TNRC18: variants seen among roughly 807,000 people sequenced by gnomAD.
TNRC18 encodes trinucleotide repeat containing 18.
A neutral mutation model predicts 226.7 loss-of-function variants in TNRC18; 69 were observed. The ratio of observed to expected loss-of-function variants is 0.30; its 90% CI spans 0.25 to 0.37. The LOEUF (loss-of-function observed/expected upper bound fraction) is 0.37, where lower values mean the gene tolerates loss of function less well. Among genes scored for constraint, TNRC18 ranks in the 10% least tolerant of loss-of-function variants. The pLI is 1.00. For missense variants in TNRC18, 4,754 were observed against 4,256.6 expected (o/e 1.12, Z -3.25); for synonymous variants, 2,449 against 1,927.6 (o/e 1.27, Z -7.09).
chr7:5,397,917 T>C (rs1388046765), intron 2 of TNRC18, among the ~76,000 whole-genome samples: 1 of 152,144 alleles, frequency 6.6e-6, no homozygotes, highest in South Asian at 2.1e-4. Flanking sequence ...CTTCCTGCCA[T>C]ATCACAGTGG....
At chr7:5,419,205 G>A (rs1782382335) in intron 2 of TNRC18, among the ~76,000 whole-genome samples, 1 of 152,274 alleles carries the variant, frequency 6.6e-6, no homozygotes, top group Non-Finnish European at 1.5e-5. Context: ...TGACTGCTGC[G>A]TCAGATTAGG....
intron 2 of TNRC18, among the ~76,000 whole-genome samples, chr7:5,395,701 A>G (rs903045114): frequency 1.3e-5 from 2 of 152,206 alleles, no homozygotes; most frequent in Admixed American, 6.5e-5. Context: ...CACAATGACA[A>G]TATAATGAGG....
chr7:5,393,179 C>G (rs1780423006), intron 3 of TNRC18, among the ~76,000 whole-genome samples: 2 of 152,228 alleles, frequency 1.3e-5, no homozygotes, highest in South Asian at 4.1e-4. Flanking sequence ...GAGCTGGTGG[C>G]AGACAGTCCC....
intron 5 of TNRC18, among the ~76,000 whole-genome samples, chr7:5,381,833 G>A (rs1218137214): frequency 2.6e-5 from 4 of 152,070 alleles, no homozygotes; most frequent in East Asian, 3.8e-4. Context: ...GGGCACGGTG[G>A]CAGGTGCCTG....
At chr7:5,341,107 A>C (rs1437967316) in intron 18 of TNRC18, among the ~76,000 whole-genome samples, 1 of 152,040 alleles carries the variant, frequency 6.6e-6, no homozygotes, top group African/African-American at 2.4e-5. Context: ...CTCCTCTGCC[A>C]GGGGTCTACC....
At chr7:5,361,319 G>T (rs143742244) in intron 14 of TNRC18, among the ~76,000 whole-genome samples, 2 of 152,358 alleles carry the variant, frequency 1.3e-5, no homozygotes, top group East Asian at 1.9e-4. Context: ...GGCCCTAGGC[G>T]TGAGGAGGCA....
At chr7:5,369,073 A>G (rs1369403792) in intron 11 of TNRC18, among the ~76,000 whole-genome samples, 1 of 152,014 alleles carries the variant, frequency 6.6e-6, no homozygotes, top group Non-Finnish European at 1.5e-5. Flanking sequence ...CGAGGCTGGG[A>G]GCGGTGGCTC....
At chr7:5,416,519 G>C (rs1180831147) in intron 2 of TNRC18, among the ~76,000 whole-genome samples, 2 of 152,146 alleles carry the variant, frequency 1.3e-5, no homozygotes, top group Non-Finnish European at 2.9e-5. Context: ...CCAGGAGTTT[G>C]AGACCAGCTG....
intron 17 of TNRC18, among the ~76,000 whole-genome samples, chr7:5,347,738 T>C (rs1791351948): frequency 6.6e-6 from 1 of 151,616 alleles, no homozygotes; most frequent in African/African-American, 2.4e-5. Flanking sequence ...ATGTGGATCA[T>C]GATGTCAGGA....
rs1583702409 is a variant in TNRC18, at chr7:5,307,891, G to A, written c.*215C>T. On this transcript the variant is annotated 3_prime_UTR_variant, in exon 30 of 30. Coordinates refer to ENST00000430969, the MANE Select transcript of TNRC18 (RefSeq NM_001080495.3). Reference sequence around the variant, plus strand: ...GGCCCCTGTCCTGGGGGCACTGAGGGGTTGGAAGGTGGGGCTGGAGGCATG... The same window carrying A: ...GGCCCCTGTCCTGGGGGCACTGAGGAGTTGGAAGGTGGGGCTGGAGGCATG... The A allele has an allele frequency of 1.7e-6, 1 of 584,488 alleles. No individual in the cohort carries two copies. The highest frequency in any genetic ancestry group is 2.0e-5 in the South Asian group (1 of 49,960). 36.2% of individuals were successfully genotyped at this position (584,488 alleles called of 1,614,324 possible).
At chr7:5,365,048 G>A (rs1413166120) in intron 11 of TNRC18, among the ~76,000 whole-genome samples, 1 of 152,012 alleles carries the variant, frequency 6.6e-6, no homozygotes, top group Non-Finnish European at 1.5e-5. Flanking sequence ...CGGAAGGGCA[G>A]CCTAGAACAC....
chr7:5,307,251 G>GTT lies in TNRC18; in HGVS notation c.*853_*854dup, dbSNP rs2128096598. On this transcript the variant is annotated 3_prime_UTR_variant, in exon 30 of 30. Coordinates refer to ENST00000430969, the MANE Select transcript of TNRC18 (RefSeq NM_001080495.3). ...TAGCTATTTTTCACAGTTTTAAAAA[G>GTT]TTTATATATATATTTATATATATTT... 1 of 148,640 alleles carries GTT rather than the reference G, an allele frequency of 6.7e-6. No individual in the cohort carries two copies. The highest frequency in any genetic ancestry group is 2.5e-5 in the African/African-American group (1 of 40,752). 9.2% of individuals were successfully genotyped at this position (148,640 alleles called of 1,614,324 possible). A position where few individuals can be genotyped will look rare whatever the true frequency, so the allele number is the denominator to read the frequency against.
At position 5,321,444 on chromosome 7, in the gene TNRC18, G is replaced by A. The variant is rs933868974; in HGVS notation, c.6443-254C>T. 2.6e-5 allele frequency among the ~76,000 whole-genome samples: 4 copies of A among 152,070 alleles called. No homozygotes were observed. In the East Asian group the frequency reaches 7.7e-4, roughly 29 times the overall value. On this transcript the variant is annotated intron_variant, in intron 21 of 29. Transcript: ENST00000430969. ...CCCCCTCCCCTGCCTGGCCCCAGATGTCTGCAAAGACCCCAGGTGGGTGTG... is the reference window on the plus strand; with the variant it reads ...CCCCCTCCCCTGCCTGGCCCCAGATATCTGCAAAGACCCCAGGTGGGTGTG...
intron 16 of TNRC18, among the ~76,000 whole-genome samples, chr7:5,353,562 GAAAAAAA>G (rs35875231): frequency 3.0e-3 from 258 of 86,560 alleles, no homozygotes; most frequent in African/African-American, 9.8e-3. Context: ...ATCATCTAAA[GAAAAAAA>G]AAAAAAAAAA....
At chr7:5,356,655 C>G (rs1792427529) in intron 16 of TNRC18, among the ~76,000 whole-genome samples, 1 of 152,154 alleles carries the variant, frequency 6.6e-6, no homozygotes, top group African/African-American at 2.4e-5. Context: ...GGCTCCCAAC[C>G]GCCAATCACG....
At chr7:5,375,086 G>T (rs1407612577) in intron 9 of TNRC18, among the ~76,000 whole-genome samples, 2 of 152,170 alleles carry the variant, frequency 1.3e-5, no homozygotes, top group Non-Finnish European at 2.9e-5. Context: ...AAGGCGGGTG[G>T]ATCACCTGAG....
chr7:5,411,230 A>G (rs1045825548), intron 2 of TNRC18, among the ~76,000 whole-genome samples: 7 of 151,548 alleles, frequency 4.6e-5, no homozygotes, highest in Admixed American at 1.3e-4. Context: ...AAAAAAAAAA[A>G]AAAGAAAAAA....
intron 2 of TNRC18, chr7:5,420,138 G>C (rs543195319): frequency 4.3e-4 from 142 of 330,566 alleles, no homozygotes; most frequent in African/African-American, 2.9e-3. Flanking sequence ...GCCGCGGACT[G>C]ACTGGAGGGA....
At chr7:5,408,806 T>C (rs1413635422) in intron 2 of TNRC18, among the ~76,000 whole-genome samples, 1 of 152,110 alleles carries the variant, frequency 6.6e-6, no homozygotes, top group Non-Finnish European at 1.5e-5. Flanking sequence ...CTAGTACCTG[T>C]AAAGCCAGGG....
Sources: gnomAD v4.1 joint callset for allele counts (sites outside exome capture counted in the v4.1 genomes callset) on GRCh38, gnomAD v4.1.1 for gene constraint, MANE v1.5 for transcripts, NCBI Gene and HGNC (gene_info 2026-07-23, HGNC 2026-07-21) for gene names.